GRHL2: variants seen among roughly 807,000 people sequenced by gnomAD.
The protein encoded by GRHL2 is grainyhead-like protein 2 homolog.
A neutral mutation model predicts 83.8 loss-of-function variants in GRHL2; 21 were observed. The observed-to-expected ratio is 0.25, with a 90% CI of 0.18 to 0.36. GRHL2 has a LOEUF of 0.36. Among genes scored for constraint, GRHL2 ranks in the 10% least tolerant of loss-of-function variants. The pLI is 1.00. For synonymous variants in GRHL2, 280 were observed against 278.9 expected (o/e 1.00, Z -0.04); for missense variants, 623 against 781.8 (o/e 0.80, Z 2.42).
At chr8:101,499,834 T>G (rs1206668127) in intron 1 of GRHL2, among the ~76,000 whole-genome samples, 2 of 152,074 alleles carry the variant, frequency 1.3e-5, no homozygotes, top group Non-Finnish European at 2.9e-5. Flanking sequence ...TCCCAGCACT[T>G]TGGGAAGCCG....
chr8:101,573,257 AG>A (rs1586108025), intron 5 of GRHL2, among the ~76,000 whole-genome samples: 3 of 150,882 alleles, frequency 2.0e-5, no homozygotes, highest in Non-Finnish European at 4.4e-5. Flanking sequence ...AAAAAAAAAA[AG>A]GTTAGGTATA....
At chr8:101,574,279 A>G (rs910293583) in intron 6 of GRHL2, among the ~76,000 whole-genome samples, 8 of 152,284 alleles carry the variant, frequency 5.3e-5, no homozygotes, top group South Asian at 2.1e-4. Flanking sequence ...GGGCTTTCTC[A>G]GGGTTCCAGA....
intron 15 of GRHL2, among the ~76,000 whole-genome samples, chr8:101,665,265 G>C (rs973722819): frequency 6.6e-6 from 1 of 152,186 alleles, no homozygotes; most frequent in Non-Finnish European, 1.5e-5. Context: ...TCCTATGTGT[G>C]ACGGTCTAAG....
At chr8:101,511,067 C>A (rs553267381) in intron 1 of GRHL2, among the ~76,000 whole-genome samples, 1 of 152,034 alleles carries the variant, frequency 6.6e-6, no homozygotes, top group Non-Finnish European at 1.5e-5. Context: ...TGCCACTGCA[C>A]TCCGGCCTGG....
intron 1 of GRHL2, among the ~76,000 whole-genome samples, chr8:101,519,465 C>G (rs962373186): frequency 2.0e-5 from 3 of 151,746 alleles, no homozygotes; most frequent in Non-Finnish European, 1.5e-5. Flanking sequence ...GTGGTGTGAT[C>G]ATAGCTCACT....
At chr8:101,650,255 T>G (rs189440081) in intron 14 of GRHL2, among the ~76,000 whole-genome samples, 59 of 152,258 alleles carry the variant, frequency 3.9e-4, no homozygotes, top group Non-Finnish European at 5.6e-4. Flanking sequence ...AATGTTAAAC[T>G]ATATGGGATA....
intron 4 of GRHL2, among the ~76,000 whole-genome samples, chr8:101,563,155 G>A (rs1692305333): frequency 6.6e-6 from 1 of 152,130 alleles, no homozygotes; most frequent in Admixed American, 6.5e-5. Context: ...GAGAGCATAA[G>A]TATGCTCATG....
intron 1 of GRHL2, among the ~76,000 whole-genome samples, chr8:101,541,185 T>C (rs1014153622): frequency 7.6e-6 from 1 of 131,198 alleles, no homozygotes; most frequent in African/African-American, 2.7e-5. Context: ...TGTGTGTGTG[T>C]GTGTGTACAC....
chr8:101,581,602 C>T (rs895070155), intron 7 of GRHL2, among the ~76,000 whole-genome samples: 1 of 152,130 alleles, frequency 6.6e-6, no homozygotes, highest in Non-Finnish European at 1.5e-5. Flanking sequence ...AGTGATGGCC[C>T]CATATTAGTT....
At chr8:101,675,741 C>T in the GRHL2 span, among the ~76,000 whole-genome samples, 10 of 152,036 alleles carry the variant, frequency 6.6e-5, no homozygotes, top group Admixed American at 2.6e-4. Flanking sequence ...AAAAAGAGCC[C>T]GCATTGCCAA....
At chr8:101,556,111 C>T (rs1811484083) in intron 3 of GRHL2, among the ~76,000 whole-genome samples, 2 of 152,204 alleles carry the variant, frequency 1.3e-5, no homozygotes, top group African/African-American at 4.8e-5. Context: ...GCATGTGCCA[C>T]CACGCCTGGC....
At chr8:101,492,855 TTA>T in intron 1 of GRHL2, 66 bp downstream of exon 1, 1 of 1,486,074 alleles carries the variant, frequency 6.7e-7, no homozygotes, top group Non-Finnish European at 9.4e-7. Flanking sequence ...AACTGGTTTG[TTA>T]TGTTTTTGTT....
chr8:101,633,545 C>T (rs965335038), intron 11 of GRHL2, among the ~76,000 whole-genome samples: 4 of 152,314 alleles, frequency 2.6e-5, no homozygotes, highest in South Asian at 2.1e-4. Flanking sequence ...TCTACAACCA[C>T]GGCTTTTTTG....
chr8:101,635,824 A>G lies in GRHL2; in HGVS notation c.1486-1073A>G, dbSNP rs116631424. ...GTAGAAATCTGAGCTAATGACTAGA[A>G]TGACTCATTCCCAGAGAGTTCCAGG... is the stretch of plus-strand genomic sequence containing the variant. On this transcript the variant is annotated intron_variant, in intron 11 of 15. Coordinates refer to ENST00000646743, the MANE Select transcript of GRHL2 (RefSeq NM_024915.4). Among the ~76,000 whole-genome samples the G allele has an allele frequency of 4.2e-3, 640 of 152,340 alleles. 5 individuals are homozygous for G. Among genetic ancestry groups the G allele is most frequent in the African/African-American group, 0.014 (595 of 41,578 alleles).
intron 1 of GRHL2, 27 bp from the exon 2 acceptor site, chr8:101,543,214 A>G (rs1811190929): frequency 6.3e-7 from 1 of 1,590,904 alleles, no homozygotes; most frequent in Non-Finnish European, 8.6e-7. Flanking sequence ...TCTGAAAATG[A>G]ACCTCACATT....
intron 1 of GRHL2, among the ~76,000 whole-genome samples, chr8:101,535,629 CCCAGGTTCAA>C (rs1419878396): frequency 1.3e-5 from 2 of 152,118 alleles, no homozygotes; most frequent in Non-Finnish European, 2.9e-5. Flanking sequence ...GCCTCCGCCT[CCCAGGTTCAA>C]GCAATTTTCC....
At chr8:101,565,040 T>A (rs542951365) in intron 4 of GRHL2, among the ~76,000 whole-genome samples, 1 of 152,276 alleles carries the variant, frequency 6.6e-6, no homozygotes, top group African/African-American at 2.4e-5. Context: ...TAGATGCCAT[T>A]TATTGAGTTC....
chr8:101,578,527 A>G, intron 7 of GRHL2, among the ~76,000 whole-genome samples: 1 of 152,210 alleles, frequency 6.6e-6, no homozygotes. Flanking sequence ...CAGGGAATAG[A>G]TCTTAAAGCT....
At chr8:101,558,166 CG>C (rs1811525964) in intron 3 of GRHL2, among the ~76,000 whole-genome samples, 1 of 152,104 alleles carries the variant, frequency 6.6e-6, no homozygotes, top group Non-Finnish European at 1.5e-5. Flanking sequence ...CGCCTGGCCT[CG>C]TTTTGTTTTT....
Sources: allele counts gnomAD v4.1 joint callset (sites outside exome capture counted in the v4.1 genomes callset), GRCh38; gene constraint gnomAD v4.1.1; transcripts MANE v1.5; gene names NCBI Gene and HGNC (gene_info 2026-07-23, HGNC 2026-07-21).